Variants in SEMA6D observed in about 807,000 individuals in gnomAD.
SEMA6D encodes the protein semaphorin-6D.
SEMA6D carries 35 observed loss-of-function variants against 106.6 expected under a neutral mutation model. The observed-to-expected ratio is 0.33, with a 90% CI of 0.25 to 0.44. The LOEUF is 0.44. Among genes scored for constraint, SEMA6D ranks in the 20% least tolerant of loss-of-function variants. The probability of loss-of-function intolerance (pLI) is 1.00; values close to 1 mark genes in which losing one functional copy is unlikely to be tolerated. For synonymous variants in SEMA6D, 499 were observed against 487.7 expected (o/e 1.02, Z -0.31); for missense variants, 1,185 against 1,345.9 (o/e 0.88, Z 1.87).
At chr15:47,716,367 A>C (rs1315109477), upstream of SEMA6D, among the ~76,000 whole-genome samples, 1 of 152,204 alleles carries the variant, frequency 6.6e-6, no homozygotes, top group Non-Finnish European at 1.5e-5. Context: ...AACGAGGACC[A>C]GGGTATTTTT....
intron 3 of SEMA6D, among the ~76,000 whole-genome samples, chr15:47,539,567 G>A (rs569063647): frequency 6.6e-6 from 1 of 152,204 alleles, no homozygotes; most frequent in Admixed American, 6.5e-5. Context: ...TGGGACTACA[G>A]GCAAGCACCA....
At chr15:47,485,902 A>T (rs1035215825) in intron 3 of SEMA6D, among the ~76,000 whole-genome samples, 1 of 152,196 alleles carries the variant, frequency 6.6e-6, no homozygotes, top group African/African-American at 2.4e-5. Flanking sequence ...AGCTAATAAC[A>T]TTGCTTATTT....
At chr15:47,494,764 ATATATATATATATATATATATATAT>A (rs2043590530) in intron 3 of SEMA6D, among the ~76,000 whole-genome samples, 2 of 93,808 alleles carry the variant, frequency 2.1e-5, no homozygotes, top group African/African-American at 8.8e-5. Flanking sequence ...ATATATATAT[ATATATATATATATATATATATATAT>A]AATCTCCAGA....
intron 1 of SEMA6D, among the ~76,000 whole-genome samples, chr15:47,749,684 G>A (rs559789242): frequency 4.1e-4 from 62 of 152,224 alleles, no homozygotes; most frequent in Admixed American, 2.8e-3. Flanking sequence ...TATATTTTAC[G>A]AAGGTCAAAA....
At chr15:47,460,538 T>C (rs1448963839) in intron 2 of SEMA6D, among the ~76,000 whole-genome samples, 1 of 152,100 alleles carries the variant, frequency 6.6e-6, no homozygotes, top group East Asian at 1.9e-4. Context: ...CATGATGCTG[T>C]GTGCTTGAGG....
chr15:47,343,866 T>C lies in SEMA6D; in HGVS notation c.-238-68527T>C, dbSNP rs183353270. Among the ~76,000 whole-genome samples, 12 of 152,194 alleles carry C rather than the reference T, an allele frequency of 7.9e-5. No homozygotes were observed. In the East Asian group the frequency reaches 2.1e-3, roughly 27 times the overall value. On this transcript the variant is annotated intron_variant, in intron 1 of 19. Coordinates refer to the SEMA6D transcript ENST00000558014. Reference sequence around the variant, plus strand: ...TGACAAAGGGCTAATATCCAGAATCTACAATGAACTCAAACAAATTTACAA... The same window carrying C: ...TGACAAAGGGCTAATATCCAGAATCCACAATGAACTCAAACAAATTTACAA...
chr15:47,512,728 T>C (rs191208688), intron 3 of SEMA6D, among the ~76,000 whole-genome samples: 2 of 152,336 alleles, frequency 1.3e-5, no homozygotes, highest in East Asian at 3.9e-4. Context: ...AGTGGGAAGC[T>C]GATCTCAGAA....
intron 1 of SEMA6D, among the ~76,000 whole-genome samples, chr15:47,208,928 G>T (rs282516): frequency 0.98 from 148,615 of 152,236 alleles, 72,651 homozygotes; most frequent in Middle Eastern, 1. Context: ...TTGTCCAAAT[G>T]TGAGTAACAA....
chr15:47,682,102 CGA>C (rs1289914728), intron 4 of SEMA6D, among the ~76,000 whole-genome samples: 1 of 151,756 alleles, frequency 6.6e-6, no homozygotes, highest in Non-Finnish European at 1.5e-5. Context: ...ATATTTAGCC[CGA>C]GATCTTTTCT....
intron 1 of SEMA6D, among the ~76,000 whole-genome samples, chr15:47,330,700 G>T (rs2037309418): frequency 2.0e-5 from 3 of 152,150 alleles, no homozygotes; most frequent in Non-Finnish European, 4.4e-5. Context: ...AACTCCACAC[G>T]CAAGCAATGA....
intron 1 of SEMA6D, among the ~76,000 whole-genome samples, chr15:47,408,582 T>TATATTCTA (rs1327197380): frequency 6.6e-6 from 1 of 152,200 alleles, no homozygotes; most frequent in Non-Finnish European, 1.5e-5. Flanking sequence ...GGTTGCTATG[T>TATATTCTA]ATATTCTAAG....
At chr15:47,476,696 G>A (rs967364041) in intron 3 of SEMA6D, among the ~76,000 whole-genome samples, 6 of 152,072 alleles carry the variant, frequency 3.9e-5, no homozygotes, top group African/African-American at 7.2e-5. Flanking sequence ...CAGGCATACC[G>A]TCTGATTTAA....
chr15:47,406,709 T>C, intron 1 of SEMA6D, among the ~76,000 whole-genome samples: 1 of 150,990 alleles, frequency 6.6e-6, no homozygotes, highest in South Asian at 2.1e-4. Flanking sequence ...GTATGGTGAC[T>C]ATCGTTATTA....
intron 1 of SEMA6D, among the ~76,000 whole-genome samples, chr15:47,389,156 C>T (rs750828437): frequency 6.6e-6 from 1 of 152,170 alleles, no homozygotes; most frequent in Non-Finnish European, 1.5e-5. Context: ...TAGCTTCTCT[C>T]CCTCAGTTTT....
At chr15:47,420,282 T>C (rs557008481) in intron 2 of SEMA6D, among the ~76,000 whole-genome samples, 1 of 152,236 alleles carries the variant, frequency 6.6e-6, no homozygotes, top group East Asian at 1.9e-4. Flanking sequence ...GGGCTTGTCA[T>C]ATACAGACTA....
intron 4 of SEMA6D, among the ~76,000 whole-genome samples, chr15:47,679,312 T>A (rs1479097439): frequency 2.0e-5 from 3 of 152,216 alleles, no homozygotes; most frequent in Non-Finnish European, 4.4e-5. Context: ...ATTAGGCAAT[T>A]GCCTTATGTA....
chr15:47,440,157 A>G (rs1467670886), intron 2 of SEMA6D, among the ~76,000 whole-genome samples: 1 of 126,446 alleles, frequency 7.9e-6, no homozygotes, highest in Non-Finnish European at 1.8e-5. Flanking sequence ...CAGTGGTTTT[A>G]GAAATAGAGG....
At position 47,771,819 on chromosome 15, in the gene SEMA6D, CTG is replaced by C; in HGVS notation, c.*36_*37del. On this transcript the variant is annotated 3_prime_UTR_variant, in exon 19 of 19. Transcript: ENST00000536845. Reference sequence around the variant, plus strand: ...TGTGCTATTCCCATGTGGCTTTATCCTGTCCGTGTTGTTGAGAGGATGATGTT... The same window carrying C: ...TGTGCTATTCCCATGTGGCTTTATCCTCCGTGTTGTTGAGAGGATGATGTT... The C allele has an allele frequency of 6.4e-7, 1 of 1,573,778 alleles. No homozygotes were observed. Among genetic ancestry groups the C allele is most frequent in the South Asian group, 1.2e-5 (1 of 86,094 alleles).
At chr15:47,228,426 G>C (rs977574180) in intron 1 of SEMA6D, among the ~76,000 whole-genome samples, 3 of 151,832 alleles carry the variant, frequency 2.0e-5, no homozygotes, top group Non-Finnish European at 2.9e-5. Context: ...GATCAAATAA[G>C]ATGTTAAATG....
Sources: allele counts gnomAD v4.1 joint callset (sites outside exome capture counted in the v4.1 genomes callset), GRCh38; gene constraint gnomAD v4.1.1; transcripts MANE v1.5; gene names NCBI Gene and HGNC (gene_info 2026-07-23, HGNC 2026-07-21).